The following PHLDB3 variants were observed in gnomAD, a reference collection of about 807,000 sequenced individuals.
PHLDB3 encodes the protein pleckstrin homology like domain family B member 3, also known as pleckstrin homology-like domain family B member 3.
In PHLDB3, 86 loss-of-function variants were observed where a neutral mutation model predicts 85.7. The ratio of observed to expected loss-of-function variants is 1.00; its 90% confidence interval spans 0.84 to 1.20. The LOEUF (loss-of-function observed/expected upper bound fraction) is 1.20, where lower values mean the gene tolerates loss of function less well. Ranked by LOEUF, PHLDB3 falls within the 50% of genes most tolerant of loss-of-function variation. The pLI, the probability that PHLDB3 is intolerant of heterozygous loss-of-function variation, is 0.00. For synonymous variants in PHLDB3, 376 were observed against 349.8 expected (o/e 1.07, Z -0.83); for missense variants, 995 against 873.0 (o/e 1.14, Z -1.76).
In PHLDB3 at chr19:43,477,936, T is replaced by C. The variant is rs934137903; in HGVS notation, c.1788+111A>G. The C allele has an allele frequency of 2.8e-4, 204 of 739,388 alleles. 1 individual carries two copies. Among genetic ancestry groups the C allele is most frequent in the Non-Finnish European group, 7.8e-5 (35 of 446,708 alleles). The allele number at this position is 739,388 out of a possible 1,614,324, so 45.8% of individuals were successfully genotyped here. Reference sequence around the variant, plus strand: ...CAAACACGTACTCCTATGAGTACCCTGACAGGAGAAGCTGCGGGTGGCTTT... The same window carrying C: ...CAAACACGTACTCCTATGAGTACCCCGACAGGAGAAGCTGCGGGTGGCTTT... On this transcript the variant is annotated intron_variant, in intron 15 of 15. Transcript: ENST00000292140.
intron 15 of PHLDB3, among the ~76,000 whole-genome samples, chr19:43,476,124 C>T (rs903073370): frequency 1.3e-5 from 2 of 152,284 alleles, no homozygotes; most frequent in Non-Finnish European, 2.9e-5. Context: ...CTTATGACGC[C>T]TTCTCTCAGC....
rs1971620564 is a variant in PHLDB3 at position 43,502,177 on chromosome 19, T to A, written c.320A>T (p.Glu107Val). 1.3e-6 allele frequency: 2 copies of A among 1,579,098 alleles called. No homozygotes were observed. Among genetic ancestry groups the A allele is most frequent in the Non-Finnish European group, 1.7e-6 (2 of 1,163,036 alleles). ...CATCAGGGCCACACGAGTCAATGCC[T>A]CCAGCTGCTGTCCTTGCAGGCGCCG... ...AARRLQGQQL[E>V]ALTRVALMEQ... The change falls in exon 3 of 16, where the codon GAG becomes GTG. Residue 107 changes from glutamate to valine, a missense_variant. Glu to Val is a moderately radical substitution (Grantham distance 121). Transcript: ENST00000292140.
At chr19:43,494,439 G>T (rs1971393218) in intron 9 of PHLDB3, among the ~76,000 whole-genome samples, 1 of 149,984 alleles carries the variant, frequency 6.7e-6, no homozygotes, top group African/African-American at 2.4e-5. Flanking sequence ...TATGCTGTTT[G>T]GTTGCTTTTA....
chr19:43,493,764 A>G (rs1239442807), intron 9 of PHLDB3, among the ~76,000 whole-genome samples: 1 of 151,094 alleles, frequency 6.6e-6, no homozygotes, highest in African/African-American at 2.4e-5. Flanking sequence ...CCCCATAAAT[A>G]TGTCCCAAAT....
chr19:43,502,725 C>A (rs1056590703), intron 2 of PHLDB3, among the ~76,000 whole-genome samples: 4 of 149,822 alleles, frequency 2.7e-5, no homozygotes, highest in Admixed American at 2.0e-4. Context: ...CAAAGTGCTA[C>A]GATTACAGGC....
chr19:43,497,771 G>C lies in PHLDB3; in HGVS notation c.640C>G (p.Arg214Gly), dbSNP rs202030586. 139 of 1,552,878 alleles carry C rather than the reference G, an allele frequency of 9.0e-5. No homozygotes were observed. Among genetic ancestry groups the C allele is most frequent in the Non-Finnish European group, 1.2e-4 (134 of 1,147,726 alleles). ...LDSQPEDQRE[R>G]LLQGVQEMRE... ...ACCTCCTGCACACCCTGCAGAAGCC[G>C]CTCGCGTTGGTCCTCTGGCTGTGAG... Residue 214 changes from arginine to glycine, a missense_variant, in exon 5 of 16, where the codon CGG (arginine) becomes GGG (glycine). Transcript: ENST00000292140.
At chr19:43,476,536 A>T (rs1970931773) in intron 15 of PHLDB3, among the ~76,000 whole-genome samples, 1 of 152,136 alleles carries the variant, frequency 6.6e-6, no homozygotes, top group African/African-American at 2.4e-5. Flanking sequence ...GGTGGCACAC[A>T]CATATAGTCC....
At chr19:43,499,827 C>T (rs1042116353) in intron 4 of PHLDB3, among the ~76,000 whole-genome samples, 18 of 152,094 alleles carry the variant, frequency 1.2e-4, no homozygotes, top group Non-Finnish European at 8.8e-5. Context: ...GCAACCTCCA[C>T]CTCCCGGATT....
intron 14 of PHLDB3, 132 bp downstream of exon 14, chr19:43,479,245 G>T: frequency 1.1e-6 from 1 of 883,696 alleles, no homozygotes; most frequent in Non-Finnish European, 1.7e-6. Context: ...GAAGTTAGGA[G>T]CTAGGGAACC....
chr19:43,486,530 G>C, intron 12 of PHLDB3, 79 bp downstream of exon 12: 1 of 1,494,844 alleles, frequency 6.7e-7, no homozygotes, highest in Non-Finnish European at 9.0e-7. Flanking sequence ...GAGGGAGGTG[G>C]AGTTGGGGGT....
intron 4 of PHLDB3, 49 bp downstream of exon 4, chr19:43,501,685 A>G (rs1252715842): frequency 1.3e-6 from 2 of 1,562,836 alleles, no homozygotes; most frequent in Admixed American, 1.8e-5. Flanking sequence ...ACCAACATCC[A>G]TGGACCAGGA....
chr19:43,488,770 T>C lies in PHLDB3; in HGVS notation c.1150-1647A>G, dbSNP rs115123855. 4.3e-3 allele frequency among the ~76,000 whole-genome samples: 653 copies of C among 151,668 alleles called. 7 individuals carry two copies. Among genetic ancestry groups the C allele is most frequent in the African/African-American group, 0.014 (596 of 41,380 alleles). On this transcript the variant is annotated intron_variant, in intron 9 of 15. Coordinates refer to ENST00000292140, the MANE Select transcript of PHLDB3 (RefSeq NM_198850.4). ...AAATGCCCATCAGAAGGGGACAAGG[T>C]AAATGAACCATGGCTTATGCACTCC...
chr19:43,485,656 A>C (rs1971139735), intron 13 of PHLDB3, among the ~76,000 whole-genome samples: 1 of 149,878 alleles, frequency 6.7e-6, no homozygotes, highest in Non-Finnish European at 1.5e-5. Flanking sequence ...CTGCGGGTTC[A>C]AGTGATTCTC....
In PHLDB3 at chr19:43,475,405, G is replaced by A; in HGVS notation, c.*5C>T. 1 of 1,613,728 alleles carries A rather than the reference G, an allele frequency of 6.2e-7. No individual in the cohort carries two copies. The highest frequency in any genetic ancestry group is 8.5e-7 in the Non-Finnish European group (1 of 1,179,670). ...AGGGACTTCCCCCCAAGAGGGCGGG[G>A]CCACTCAGGGGGCGTGGTTTTCGTC... is the stretch of plus-strand genomic sequence containing the variant. On this transcript the variant is annotated 3_prime_UTR_variant, in exon 16 of 16. Coordinates refer to ENST00000292140, the MANE Select transcript of PHLDB3 (RefSeq NM_198850.4).
Position 43,501,829 on chromosome 19 carries a change from C to T in PHLDB3, c.439G>A (p.Glu147Lys). ...VALLRGELAG[E>K]RVAARREEEQ... is the part of the protein sequence containing the mutation. ...TCCTCCCGGCGAGCGGCCACTCGCTCCCCAGCCAGCTCACCCCGCAGCAAG... is the reference window on the plus strand; with the variant it reads ...TCCTCCCGGCGAGCGGCCACTCGCTTCCCAGCCAGCTCACCCCGCAGCAAG... Residue 147 changes from glutamate (E) to lysine (K), a missense_variant, in exon 4 of 16, where the codon GAG becomes AAG. Glu to Lys is a moderately conservative substitution (Grantham distance 56, BLOSUM62 1). Coordinates refer to ENST00000292140, the MANE Select transcript of PHLDB3 (RefSeq NM_198850.4). 6.3e-7 allele frequency: 1 copy of T among 1,590,512 alleles called. No individual in the cohort carries two copies.
chr19:43,497,029 G>C (rs1971473200), intron 6 of PHLDB3, 89 bp downstream of exon 6: 2 of 1,316,616 alleles, frequency 1.5e-6, no homozygotes, highest in Non-Finnish European at 1.9e-6. Flanking sequence ...ATGACAGGCA[G>C]GAAACAAGGA....
rs1213277335 is a variant in PHLDB3, at chr19:43,475,400, G to A, written c.*10C>T. The stretch of plus-strand genomic sequence containing the variant: ...CTCGAAGGGACTTCCCCCCAAGAGG[G>A]CGGGGCCACTCAGGGGGCGTGGTTT... On this transcript the variant is annotated 3_prime_UTR_variant, in exon 16 of 16. Coordinates refer to ENST00000292140, the MANE Select transcript of PHLDB3 (RefSeq NM_198850.4). 6.2e-7 allele frequency: 1 copy of A among 1,613,616 alleles called. No homozygotes were observed. The highest frequency in any genetic ancestry group is 8.5e-7 in the Non-Finnish European group (1 of 1,179,634).
Position 43,495,307 on chromosome 19 carries a change from A to G in PHLDB3, c.984T>C (p.Leu328=). 1 of 1,613,854 alleles carries G rather than the reference A, an allele frequency of 6.2e-7. No individual in the cohort carries two copies. The highest frequency in any genetic ancestry group is 8.5e-7 in the Non-Finnish European group (1 of 1,179,830). The part of the protein sequence containing the change: ...ERSRLLELNC[L]QGTPGGDFSE... ...AGAAGTCCCCGCCAGGTGTTCCCTG[A>G]AGGCAATTGAGCTCGAGCAGCCGGC... Residue 328 remains leucine, a synonymous_variant, in exon 8 of 16, where the codon CTT becomes CTC. Transcript: ENST00000292140.
chr19:43,477,046 C>T (rs1409961983), intron 15 of PHLDB3, among the ~76,000 whole-genome samples: 1 of 152,068 alleles, frequency 6.6e-6, no homozygotes, highest in Non-Finnish European at 1.5e-5. Context: ...CTCCTGCAGT[C>T]CTCCCATCTT....
Sources: gnomAD v4.1 joint callset for allele counts (sites outside exome capture counted in the v4.1 genomes callset) on GRCh38, gnomAD v4.1.1 for gene constraint, MANE v1.5 for transcripts, NCBI Gene and HGNC (gene_info 2026-07-23, HGNC 2026-07-21) for gene names.